The following FHOD3 variants were observed in gnomAD, a reference collection of about 807,000 sequenced individuals.
The protein encoded by FHOD3 is FH1/FH2 domain-containing protein 3.
FHOD3 carries 90 observed loss-of-function variants against 173.0 expected under a neutral mutation model. The observed-to-expected ratio is 0.52, with a 90% CI of 0.44 to 0.62. The LOEUF is 0.62. FHOD3 is among the 20% of genes least tolerant of loss of function. The pLI, the probability that FHOD3 is intolerant of heterozygous loss-of-function variation, is 0.00. For missense variants in FHOD3, 1,945 were observed against 2,034.7 expected, an observed-to-expected ratio of 0.96 and a Z score of 0.85; for synonymous variants, 828 against 823.0, an observed-to-expected ratio of 1.01 and a Z score of -0.10.
rs79804219 is a variant in FHOD3 at position 36,391,012 on chromosome 18, A to G, written c.337+18268A>G. Among the ~76,000 whole-genome samples the G allele has an allele frequency of 8.2e-3, 1,243 of 152,308 alleles. 15 individuals are homozygous for G. The highest frequency in any genetic ancestry group is 0.028 in the African/African-American group (1,155 of 41,556). On this transcript the variant is annotated intron_variant, in intron 3 of 28. Transcript: ENST00000590592. ...GTCCATGAATATTCACCAGAAAGTG[A>G]TCGTTGTCTCCGATGGGTAATTAGG...
chr18:36,768,797 G>A (rs1017675923), intron 27 of FHOD3, among the ~76,000 whole-genome samples: 4 of 152,086 alleles, frequency 2.6e-5, no homozygotes, highest in African/African-American at 9.7e-5. Flanking sequence ...GACAGACTAG[G>A]CACATACAAC....
At chr18:36,754,627 A>G (rs1255751701) in intron 24 of FHOD3, among the ~76,000 whole-genome samples, 2 of 152,114 alleles carry the variant, frequency 1.3e-5, no homozygotes, top group African/African-American at 4.8e-5. Flanking sequence ...TATTCATAAT[A>G]TGTTCATGTC....
At chr18:36,493,213 C>CT (rs60189688) in intron 3 of FHOD3, among the ~76,000 whole-genome samples, 4,487 of 138,116 alleles carry the variant, frequency 0.032, 182 homozygotes, top group East Asian at 0.23. Flanking sequence ...TTTTCTTTTT[C>CT]TTTTTTTTTT....
intron 6 of FHOD3, among the ~76,000 whole-genome samples, chr18:36,583,946 C>T (rs2058941803): frequency 2.0e-5 from 3 of 152,150 alleles, no homozygotes; most frequent in Admixed American, 2.0e-4. Flanking sequence ...CTACCTCAGC[C>T]TCCTGAGTAG....
intron 3 of FHOD3, among the ~76,000 whole-genome samples, chr18:36,428,084 C>T (rs2050345778): frequency 6.6e-6 from 1 of 152,158 alleles, no homozygotes; most frequent in Admixed American, 6.5e-5. Context: ...GTGTTCTCTG[C>T]TCACCTTCTC....
intron 6 of FHOD3, among the ~76,000 whole-genome samples, chr18:36,594,055 G>A (rs1026145087): frequency 2.6e-5 from 4 of 152,234 alleles, no homozygotes; most frequent in African/African-American, 9.6e-5. Flanking sequence ...GAGACCCCAA[G>A]GCTGCCGCAG....
chr18:36,699,447 T>C (rs2039461420), intron 17 of FHOD3, among the ~76,000 whole-genome samples: 1 of 152,114 alleles, frequency 6.6e-6, no homozygotes, highest in African/African-American at 2.4e-5. Context: ...GAGCCTTGGG[T>C]CAGTGCTTTC....
chr18:36,517,963 T>C, intron 5 of FHOD3, among the ~76,000 whole-genome samples: 1 of 152,198 alleles, frequency 6.6e-6, no homozygotes, highest in African/African-American at 2.4e-5. Flanking sequence ...TTGTTGGCAT[T>C]GATGGTACCA....
At chr18:36,452,069 C>T (rs890038833) in intron 3 of FHOD3, among the ~76,000 whole-genome samples, 1 of 152,162 alleles carries the variant, frequency 6.6e-6, no homozygotes, top group Admixed American at 6.5e-5. Flanking sequence ...ATGAGGATCT[C>T]CCGACCCAGT....
At chr18:36,461,072 G>A (rs1018538055) in intron 3 of FHOD3, among the ~76,000 whole-genome samples, 2 of 152,144 alleles carry the variant, frequency 1.3e-5, no homozygotes, top group Non-Finnish European at 2.9e-5. Flanking sequence ...AATAGCTCAC[G>A]GCAGGGGATC....
chr18:36,757,060 T>TA (rs1189302410), intron 25 of FHOD3, among the ~76,000 whole-genome samples: 1 of 152,222 alleles, frequency 6.6e-6, no homozygotes, highest in Non-Finnish European at 1.5e-5. Flanking sequence ...TGCTTATAGT[T>TA]ATGTGGACAC....
In FHOD3 at chr18:36,726,683, C is replaced by CT. The variant is rs1189391314; in HGVS notation, c.3418-3954dup. 9.8e-4 allele frequency among the ~76,000 whole-genome samples: 148 copies of CT among 150,996 alleles called. 1 individual carries two copies. The highest frequency in any genetic ancestry group is 3.3e-3 in the African/African-American group (137 of 41,206). On this transcript the variant is annotated intron_variant, in intron 19 of 28. Transcript: ENST00000590592. Reference sequence around the variant, plus strand: ...GAAAAGTGCCTCTTTTTTTTCTTTTCTTTTTTTTTGAGATGGAGTCTCACT... The same window carrying CT: ...GAAAAGTGCCTCTTTTTTTTCTTTTCTTTTTTTTTTGAGATGGAGTCTCACT...
chr18:36,709,611 C>A, intron 18 of FHOD3: 1 of 557,492 alleles, frequency 1.8e-6, no homozygotes, highest in Non-Finnish European at 3.2e-6. Flanking sequence ...AAACTGTCTG[C>A]CACACCATCA....
At chr18:36,485,917 C>A (rs1320849868) in intron 3 of FHOD3, among the ~76,000 whole-genome samples, 2 of 152,164 alleles carry the variant, frequency 1.3e-5, no homozygotes, top group East Asian at 3.8e-4. Flanking sequence ...GAAAACTGCA[C>A]CTGCCTTTAT....
intron 16 of FHOD3, among the ~76,000 whole-genome samples, chr18:36,688,418 A>G (rs1056011385): frequency 3.9e-5 from 6 of 152,252 alleles, no homozygotes; most frequent in African/African-American, 1.2e-4. Flanking sequence ...TTTAAGAATT[A>G]GATGCTTAGA....
At chr18:36,633,740 G>A (rs2034679292) in intron 10 of FHOD3, among the ~76,000 whole-genome samples, 1 of 152,164 alleles carries the variant, frequency 6.6e-6, no homozygotes, top group African/African-American at 2.4e-5. Flanking sequence ...TTTTGAGGAT[G>A]AATTAGATTT....
intron 3 of FHOD3, among the ~76,000 whole-genome samples, chr18:36,483,454 C>G (rs2054035668): frequency 6.6e-6 from 1 of 152,188 alleles, no homozygotes; most frequent in Admixed American, 6.5e-5. Context: ...CTCTTGCTAG[C>G]CCAGTATCTT....
chr18:36,441,353 A>G (rs562687947), intron 3 of FHOD3, among the ~76,000 whole-genome samples: 2 of 152,356 alleles, frequency 1.3e-5, no homozygotes, highest in South Asian at 4.1e-4. Flanking sequence ...AGGGGTGGTC[A>G]GTGGCCAATT....
chr18:36,312,596 C>T (rs2092285523), intron 1 of FHOD3, among the ~76,000 whole-genome samples: 2 of 152,208 alleles, frequency 1.3e-5, no homozygotes, highest in Admixed American at 1.3e-4. Context: ...GCAGCAATCC[C>T]TGCTCTGTCA....
Sources: allele counts gnomAD v4.1 joint callset (sites outside exome capture counted in the v4.1 genomes callset), GRCh38; gene constraint gnomAD v4.1.1; transcripts MANE v1.5; gene names NCBI Gene and HGNC (gene_info 2026-07-23, HGNC 2026-07-21).